LSAMP: variants seen among roughly 807,000 people sequenced by gnomAD.
The protein encoded by LSAMP is limbic system-associated membrane protein.
In LSAMP, 7 loss-of-function variants were observed where a neutral mutation model predicts 38.6. The ratio of observed to expected loss-of-function variants is 0.18; its 90% CI spans 0.10 to 0.34. The LOEUF (loss-of-function observed/expected upper bound fraction) is 0.34. Among genes scored for constraint, LSAMP ranks in the 10% least tolerant of loss-of-function variants. The pLI, the probability that LSAMP is intolerant of heterozygous loss-of-function variation, is 1.00. For missense variants in LSAMP, 313 were observed against 420.0 expected (o/e 0.75, Z 2.23); for synonymous variants, 154 against 166.8 (o/e 0.92, Z 0.59).
At chr3:115,993,561 A>G (rs376354960) in intron 3 of LSAMP, among the ~76,000 whole-genome samples, 6 of 152,156 alleles carry the variant, frequency 3.9e-5, no homozygotes, top group African/African-American at 1.4e-4. Context: ...AAGTCATGAC[A>G]TGTTATGTTA....
intron 1 of LSAMP, among the ~76,000 whole-genome samples, chr3:116,094,576 C>T (rs1343795375): frequency 6.6e-6 from 1 of 152,160 alleles, no homozygotes; most frequent in Non-Finnish European, 1.5e-5. Flanking sequence ...CATGCACACA[C>T]AGAAGTAGAA....
intron 1 of LSAMP, among the ~76,000 whole-genome samples, chr3:116,329,122 A>G (rs2047815331): frequency 6.6e-6 from 1 of 152,192 alleles, no homozygotes; most frequent in South Asian, 2.1e-4. Flanking sequence ...TGTAGGTAGA[A>G]TTTAATAGAT....
intron 3 of LSAMP, among the ~76,000 whole-genome samples, chr3:115,906,775 T>A (rs1297457906): frequency 7.2e-5 from 11 of 152,170 alleles, no homozygotes; most frequent in Admixed American, 7.2e-4. Context: ...TTTTAAGACA[T>A]ACTTTGCTAA....
At chr3:116,277,447 C>T (rs2047071068) in intron 1 of LSAMP, among the ~76,000 whole-genome samples, 2 of 151,878 alleles carry the variant, frequency 1.3e-5, no homozygotes, top group Admixed American at 1.3e-4. Context: ...CGGCTCACTG[C>T]AGCCTCCGTC....
At chr3:116,207,544 G>C (rs1315665774) in intron 1 of LSAMP, among the ~76,000 whole-genome samples, 3 of 151,458 alleles carry the variant, frequency 2.0e-5, no homozygotes, top group Non-Finnish European at 4.4e-5. Flanking sequence ...GGCTGGTCCC[G>C]GTTGTTCCTT....
At position 115,904,307 on chromosome 3, in the gene LSAMP, A is replaced by G. The variant is rs181255958; in HGVS notation, c.515-51690T>C. 2.1e-3 allele frequency among the ~76,000 whole-genome samples: 313 copies of G among 152,272 alleles called. 2 individuals carry two copies. Among genetic ancestry groups the G allele is most frequent in the Non-Finnish European group, 3.2e-3 (218 of 68,014 alleles). On this transcript the variant is annotated intron_variant, in intron 3 of 6. Transcript: ENST00000490035. The stretch of plus-strand genomic sequence containing the variant: ...ATGTAAATGAAAAATTTTAATTTCT[A>G]AAACAATGTAACTTAGAAAAAGGGA...
intron 1 of LSAMP, among the ~76,000 whole-genome samples, chr3:116,171,909 A>G (rs1313322102): frequency 2.6e-5 from 4 of 152,108 alleles, no homozygotes; most frequent in African/African-American, 9.6e-5. Flanking sequence ...GATCGATAAA[A>G]GGAAGACTGA....
intron 1 of LSAMP, among the ~76,000 whole-genome samples, chr3:116,301,333 C>T (rs1323154124): frequency 6.6e-6 from 1 of 152,130 alleles, no homozygotes; most frequent in Non-Finnish European, 1.5e-5. Context: ...ATACAACTGA[C>T]ACTGAATTTA....
intron 3 of LSAMP, among the ~76,000 whole-genome samples, chr3:115,902,495 A>G (rs1306771670): frequency 8.3e-6 from 1 of 120,766 alleles, no homozygotes; most frequent in Non-Finnish European, 1.7e-5. Context: ...AAAGTTGACA[A>G]ATGGATCTAA....
intron 1 of LSAMP, among the ~76,000 whole-genome samples, chr3:116,316,695 C>A (rs941303676): frequency 6.9e-6 from 1 of 145,450 alleles, no homozygotes; most frequent in Non-Finnish European, 1.5e-5. Flanking sequence ...CGTTTGAACC[C>A]GGGAGGCAGA....
At chr3:116,081,367 T>C (rs768682660) in intron 2 of LSAMP, among the ~76,000 whole-genome samples, 2 of 151,872 alleles carry the variant, frequency 1.3e-5, no homozygotes, top group Non-Finnish European at 2.9e-5. Flanking sequence ...GGCAGGAGAA[T>C]TGCTTGAACC....
At chr3:116,199,999 G>A (rs542430769) in intron 1 of LSAMP, among the ~76,000 whole-genome samples, 1 of 152,138 alleles carries the variant, frequency 6.6e-6, no homozygotes, top group African/African-American at 2.4e-5. Context: ...GGAAATGAAT[G>A]TAGAAGGAGC....
intron 3 of LSAMP, among the ~76,000 whole-genome samples, chr3:115,853,918 G>C (rs953726518): frequency 6.6e-6 from 1 of 151,874 alleles, no homozygotes; most frequent in Non-Finnish European, 1.5e-5. Context: ...TCCTTTTTTT[G>C]GGAATTCCTC....
intron 3 of LSAMP, among the ~76,000 whole-genome samples, chr3:115,858,923 T>C (rs1030199397): frequency 9.2e-5 from 14 of 152,248 alleles, no homozygotes; most frequent in Non-Finnish European, 1.5e-5. Context: ...TGTTTTGCTT[T>C]TGTTTTCCCC....
intron 1 of LSAMP, among the ~76,000 whole-genome samples, chr3:116,174,114 T>C (rs1008564025): frequency 7.2e-5 from 11 of 152,160 alleles, no homozygotes; most frequent in East Asian, 3.9e-4. Context: ...TGGACATTTT[T>C]AATATTATGA....
Position 115,892,330 on chromosome 3 carries a change from C to A in LSAMP, c.515-39713G>T, listed in dbSNP as rs530819314. Among the ~76,000 whole-genome samples the A allele has an allele frequency of 3.0e-4, 46 of 152,080 alleles. 1 individual carries two copies. In the South Asian group the frequency reaches 9.4e-3, roughly 31 times the overall value. On this transcript the variant is annotated intron_variant, in intron 3 of 6. Coordinates refer to ENST00000490035, the MANE Select transcript of LSAMP (RefSeq NM_002338.5). ...TCTCAGCAGCACTATTTACAATAGT[C>A]CCCAAATAGAAACCACCCAATGTTT...
chr3:115,804,583 T>G lies in LSAMP; in HGVS notation c.*5734A>C, dbSNP rs1442544540. The G allele has an allele frequency of 6.6e-6, 1 of 152,040 alleles. No individual in the cohort carries two copies. Among genetic ancestry groups the G allele is most frequent in the African/African-American group, 2.4e-5 (1 of 41,416 alleles). 9.4% of individuals were successfully genotyped at this position (152,040 alleles called of 1,614,324 possible). ...TGAGCCCTTAAAACTCCTTCCTGTT[T>G]TTTTTCTTTTTTTTTCTCTTAGGTA... On this transcript the variant is annotated 3_prime_UTR_variant, in exon 7 of 7. Coordinates refer to ENST00000490035, the MANE Select transcript of LSAMP (RefSeq NM_002338.5).
At chr3:115,877,468 T>C (rs994281297) in intron 3 of LSAMP, among the ~76,000 whole-genome samples, 1 of 152,168 alleles carries the variant, frequency 6.6e-6, no homozygotes, top group Non-Finnish European at 1.5e-5. Context: ...AGCTTTTTTC[T>C]TTTTCAAACA....
At chr3:116,357,395 T>G (rs1361753581) in intron 1 of LSAMP, among the ~76,000 whole-genome samples, 1 of 152,150 alleles carries the variant, frequency 6.6e-6, no homozygotes, top group East Asian at 1.9e-4. Context: ...TTTGTGAAAT[T>G]GTTGAAGACT....
Sources: gnomAD v4.1 joint callset for allele counts (sites outside exome capture counted in the v4.1 genomes callset) on GRCh38, gnomAD v4.1.1 for gene constraint, MANE v1.5 for transcripts, NCBI Gene and HGNC (gene_info 2026-07-23, HGNC 2026-07-21) for gene names.